CELF2: variants seen among roughly 807,000 people sequenced by gnomAD.
CELF2 encodes CUGBP Elav-like family member 2.
CELF2 carries 8 observed loss-of-function variants against 62.6 expected under a neutral mutation model. The observed-to-expected ratio is 0.13, with a 90% CI of 0.07 to 0.23. The LOEUF (loss-of-function observed/expected upper bound fraction) is 0.23. CELF2 is among the 10% of genes least tolerant of loss of function. The probability of loss-of-function intolerance (pLI) is 1.00; values close to 1 mark genes in which losing one functional copy is unlikely to be tolerated. For missense variants in CELF2, 333 were observed against 671.0 expected (o/e 0.50, Z 5.56); for synonymous variants, 258 against 250.0 (o/e 1.03, Z -0.30).
chr10:11,124,802 A>C (rs1300393452), intron 1 of CELF2, among the ~76,000 whole-genome samples: 4 of 152,242 alleles, frequency 2.6e-5, no homozygotes, highest in Non-Finnish European at 5.9e-5. Flanking sequence ...CCTTTGGTAC[A>C]TATTCATAAA....
intron 1 of CELF2, among the ~76,000 whole-genome samples, chr10:10,897,235 G>A (rs1329226957): frequency 3.9e-5 from 6 of 152,150 alleles, no homozygotes; most frequent in Admixed American, 2.6e-4. Context: ...AATATTTCAG[G>A]TGCTTCTGGT....
At chr10:10,577,208 GT>G in the CELF2 span, among the ~76,000 whole-genome samples, 1 of 152,124 alleles carries the variant, frequency 6.6e-6, no homozygotes, top group Non-Finnish European at 1.5e-5. Flanking sequence ...GACAAGAGCT[GT>G]TGACAGAGCC....
At chr10:10,650,695 T>C in the CELF2 span, among the ~76,000 whole-genome samples, 1 of 152,170 alleles carries the variant, frequency 6.6e-6, no homozygotes, top group Non-Finnish European at 1.5e-5. Flanking sequence ...TGCAAGAATG[T>C]GGGGAAGATA....
At chr10:11,121,374 C>G (rs1473483967) in intron 1 of CELF2, among the ~76,000 whole-genome samples, 1 of 152,148 alleles carries the variant, frequency 6.6e-6, no homozygotes, top group Admixed American at 6.6e-5. Flanking sequence ...TCTTCTGATG[C>G]CAAACCATTA....
At chr10:10,526,819 C>G in the CELF2 span, among the ~76,000 whole-genome samples, 1 of 152,248 alleles carries the variant, frequency 6.6e-6, no homozygotes, top group Non-Finnish European at 1.5e-5. Flanking sequence ...GTCCTTTCTA[C>G]AGAACGTTGT....
At chr10:10,604,168 C>A in the CELF2 span, among the ~76,000 whole-genome samples, 1 of 152,358 alleles carries the variant, frequency 6.6e-6, no homozygotes, top group South Asian at 2.1e-4. Context: ...CATGATTTCA[C>A]TACTGTGCTC....
At chr10:10,994,460 C>G (rs2053745873) in intron 2 of CELF2, among the ~76,000 whole-genome samples, 1 of 152,202 alleles carries the variant, frequency 6.6e-6, no homozygotes, top group African/African-American at 2.4e-5. Context: ...GTCCCCAGCT[C>G]TGTTAGGAAC....
chr10:11,178,423 C>A lies in CELF2; in HGVS notation c.271+12741C>A, dbSNP rs1482558836. 6.6e-6 allele frequency among the ~76,000 whole-genome samples: 1 copy of A among 152,190 alleles called. No homozygotes were observed. The highest frequency in any genetic ancestry group is 1.5e-5 in the Non-Finnish European group (1 of 68,042). On this transcript the variant is annotated intron_variant, in intron 2 of 12. Coordinates refer to ENST00000633077, the MANE Select transcript of CELF2 (RefSeq NM_001326342.2). This position sits in a 1 kb window ranked among gnomAD's most constrained non-coding sequence, Gnocchi z 4.3. ...CCACTCCCTGCAAAGGAAGTGCTTCCGAGAGCCAAGGCTTTGCTCTAATCT... is the reference window on the plus strand; with the variant it reads ...CCACTCCCTGCAAAGGAAGTGCTTCAGAGAGCCAAGGCTTTGCTCTAATCT...
chr10:10,679,568 G>A, the CELF2 span, among the ~76,000 whole-genome samples: 4 of 152,162 alleles, frequency 2.6e-5, no homozygotes, highest in African/African-American at 9.7e-5. Context: ...GGGATTACAG[G>A]TGTAAGCCAC....
chr10:11,045,185 G>A (rs1434443468), intron 1 of CELF2, among the ~76,000 whole-genome samples: 1 of 152,146 alleles, frequency 6.6e-6, no homozygotes. Flanking sequence ...ATCTCACTCT[G>A]TTGCCCAGGC....
the CELF2 span, among the ~76,000 whole-genome samples, chr10:10,527,268 C>T: frequency 6.6e-6 from 1 of 151,934 alleles, no homozygotes; most frequent in African/African-American, 2.4e-5. Flanking sequence ...ATGACGAAAC[C>T]CCATCTCTAC....
At chr10:10,591,060 A>G in the CELF2 span, among the ~76,000 whole-genome samples, 1 of 152,228 alleles carries the variant, frequency 6.6e-6, no homozygotes, top group Non-Finnish European at 1.5e-5. Context: ...AATATAAAAC[A>G]TATACTCCTA....
chr10:11,073,201 C>T (rs1439655746), intron 1 of CELF2, among the ~76,000 whole-genome samples: 1 of 152,172 alleles, frequency 6.6e-6, no homozygotes, highest in Non-Finnish European at 1.5e-5. Context: ...CAGTGGGCCT[C>T]CTGTACTGCC....
chr10:10,924,065 A>T (rs1021963133), intron 2 of CELF2: 3 of 152,132 alleles, frequency 2.0e-5, no homozygotes, highest in Non-Finnish European at 4.4e-5. Context: ...AATGCCTATA[A>T]AGAGAGAAAA....
intron 1 of CELF2, among the ~76,000 whole-genome samples, chr10:10,798,972 A>G (rs1249078398): frequency 2.0e-5 from 3 of 152,170 alleles, no homozygotes; most frequent in African/African-American, 7.2e-5. Context: ...GACTGTTCGG[A>G]GGCAGAGGTG....
rs1455159464 is a variant in CELF2, at chr10:11,211,462, T to C, written c.272-5963T>C. Among the ~76,000 whole-genome samples the C allele has an allele frequency of 6.6e-6, 1 of 152,238 alleles. No individual in the cohort carries two copies. Among genetic ancestry groups the C allele is most frequent in the Non-Finnish European group, 1.5e-5 (1 of 68,042 alleles). On this transcript the variant is annotated intron_variant, in intron 2 of 12. Transcript: ENST00000633077. This position sits in a 1 kb window ranked among gnomAD's most constrained non-coding sequence, Gnocchi z 4.8. ...TTTAAAATCTGACCTCATATCATTG[T>C]CTAGAGTGGTGTCTACATTACCTCC...
chr10:10,848,693 T>A (rs2059169807), intron 1 of CELF2, among the ~76,000 whole-genome samples: 2 of 152,120 alleles, frequency 1.3e-5, no homozygotes, highest in Admixed American at 6.5e-5. Context: ...GCCCTGGATC[T>A]TTCTCCTAGG....
Position 11,156,476 on chromosome 10 carries a change from C to CAGG in CELF2, c.75-9010_75-9009insAGG, listed in dbSNP as rs1230976891. Among the ~76,000 whole-genome samples, 2 of 152,132 alleles carry CAGG rather than the reference C, an allele frequency of 1.3e-5. No homozygotes were observed. The highest frequency in any genetic ancestry group is 4.8e-5 in the African/African-American group (2 of 41,416). On this transcript the variant is annotated intron_variant, in intron 1 of 12. Coordinates refer to ENST00000633077, the MANE Select transcript of CELF2 (RefSeq NM_001326342.2). This position sits in a 1 kb window ranked among gnomAD's most constrained non-coding sequence, Gnocchi z 4.3. ...CTTATTTAATACCCTGCAACGCCCTCCCCTGCATGCTTTATTTGTCTCTGT... is the reference window on the plus strand; with the variant it reads ...CTTATTTAATACCCTGCAACGCCCTCAGGCCCTGCATGCTTTATTTGTCTCTGT...
chr10:10,901,608 G>T (rs143667874), intron 1 of CELF2, among the ~76,000 whole-genome samples: 1 of 152,164 alleles, frequency 6.6e-6, no homozygotes, highest in Non-Finnish European at 1.5e-5. Context: ...TAGGCAAAGA[G>T]TTCCTAAATA....
Sources: gnomAD v4.1 joint callset for allele counts (sites outside exome capture counted in the v4.1 genomes callset) on GRCh38, gnomAD v4.1.1 for gene constraint, Gnocchi (gnomAD v3.1) non-coding constraint, MANE v1.5 for transcripts, NCBI Gene and HGNC (gene_info 2026-07-23, HGNC 2026-07-21) for gene names.